Variants in SPTLC3 observed in about 807,000 individuals in gnomAD.
The protein encoded by SPTLC3 is serine palmitoyltransferase 3.
A neutral mutation model predicts 59.3 loss-of-function variants in SPTLC3; 36 were observed. That is an observed-to-expected ratio of 0.61 (90% CI 0.47 to 0.80). The LOEUF is 0.80. SPTLC3 is among the 30% of genes least tolerant of loss of function. The pLI, the probability that SPTLC3 is intolerant of heterozygous loss-of-function variation, is 0.00. For synonymous variants in SPTLC3, 257 were observed against 240.8 expected (o/e 1.07, Z -0.62); for missense variants, 625 against 685.1 (o/e 0.91, Z 0.98).
chr20:13,075,838 A>G (rs1171916398), intron 4 of SPTLC3, among the ~76,000 whole-genome samples: 1 of 152,168 alleles, frequency 6.6e-6, no homozygotes, highest in Non-Finnish European at 1.5e-5. Context: ...CAACCCCCCA[A>G]CTCAGTGAGA....
chr20:13,025,731 T>C (rs1266996769), intron 1 of SPTLC3, among the ~76,000 whole-genome samples: 1 of 152,206 alleles, frequency 6.6e-6, no homozygotes, highest in Non-Finnish European at 1.5e-5. Context: ...AAACCTTTTT[T>C]TAAAACTTCT....
At chr20:13,011,208 G>T (rs1015638091) in intron 1 of SPTLC3, among the ~76,000 whole-genome samples, 1 of 152,150 alleles carries the variant, frequency 6.6e-6, no homozygotes, top group Non-Finnish European at 1.5e-5. Flanking sequence ...CCTCCATGAT[G>T]GGAACGAAGT....
At chr20:13,034,626 A>G (rs1259543514) in intron 1 of SPTLC3, among the ~76,000 whole-genome samples, 1 of 152,144 alleles carries the variant, frequency 6.6e-6, no homozygotes, top group East Asian at 1.9e-4. Context: ...ATCTGGGGAA[A>G]GATGCCAACA....
intron 2 of SPTLC3, among the ~76,000 whole-genome samples, chr20:13,066,584 G>T (rs1268433011): frequency 6.6e-6 from 1 of 152,062 alleles, no homozygotes; most frequent in Non-Finnish European, 1.5e-5. Flanking sequence ...GTTTTTATTT[G>T]GTTGCTGACT....
intron 1 of SPTLC3, among the ~76,000 whole-genome samples, chr20:13,019,180 G>A (rs925128044): frequency 6.6e-5 from 10 of 152,140 alleles, no homozygotes; most frequent in Non-Finnish European, 1.3e-4. Context: ...AAGGCCTGGT[G>A]TTTCCAAGAG....
At chr20:13,039,676 T>C (rs1396455515) in intron 1 of SPTLC3, among the ~76,000 whole-genome samples, 6 of 152,134 alleles carry the variant, frequency 3.9e-5, no homozygotes, top group African/African-American at 1.2e-4. Flanking sequence ...TCTCATGTCC[T>C]TTTTGTTTAT....
At chr20:13,154,162 A>C (rs1241355691) in intron 10 of SPTLC3, 24 bp downstream of exon 10, 1 of 1,613,434 alleles carries the variant, frequency 6.2e-7, no homozygotes, top group Non-Finnish European at 8.5e-7. Flanking sequence ...GCATCTCATA[A>C]TCACACCTAA....
intron 9 of SPTLC3, among the ~76,000 whole-genome samples, chr20:13,136,788 A>G (rs1406006461): frequency 6.7e-6 from 1 of 150,004 alleles, no homozygotes; most frequent in Non-Finnish European, 1.5e-5. Context: ...TAACAATGCA[A>G]TATTTTCTCT....
chr20:13,165,101 C>G lies in SPTLC3; in HGVS notation c.*234C>G. On this transcript the variant is annotated 3_prime_UTR_variant, in exon 12 of 12. Coordinates refer to ENST00000399002, the MANE Select transcript of SPTLC3 (RefSeq NM_018327.4). ...TCTTCCAAGTATTCTACTAGAAATA[C>G]ACACACACACACACACACACTTCTG... 1 of 302,770 alleles carries G rather than the reference C, an allele frequency of 3.3e-6. No individual in the cohort carries two copies. The allele number at this position is 302,770 out of a possible 1,614,324, so 18.8% of individuals were successfully genotyped here.
At chr20:13,045,682 T>C (rs1048096252) in intron 1 of SPTLC3, among the ~76,000 whole-genome samples, 5 of 152,156 alleles carry the variant, frequency 3.3e-5, no homozygotes, top group African/African-American at 1.2e-4. Context: ...TAGATCCTGG[T>C]TTGGGCTGAT....
At chr20:13,110,310 A>G (rs1354233351) in intron 7 of SPTLC3, 93 bp downstream of exon 7, 1 of 1,045,972 alleles carries the variant, frequency 9.6e-7, no homozygotes, top group Non-Finnish European at 1.4e-6. Flanking sequence ...AAACAGAGAA[A>G]TGACTTAGAA....
chr20:13,097,908 A>C (rs1465717931), intron 6 of SPTLC3, among the ~76,000 whole-genome samples: 3 of 152,190 alleles, frequency 2.0e-5, no homozygotes, highest in Non-Finnish European at 4.4e-5. Context: ...TGCATAAAGG[A>C]AATTACTAGG....
intron 7 of SPTLC3, among the ~76,000 whole-genome samples, chr20:13,113,739 G>A (rs1006942283): frequency 3.9e-5 from 6 of 152,182 alleles, no homozygotes; most frequent in African/African-American, 1.4e-4. Context: ...CCAGCCCATA[G>A]AAAGCTCACA....
chr20:13,098,445 C>G (rs1039999444), intron 6 of SPTLC3, among the ~76,000 whole-genome samples: 2 of 152,150 alleles, frequency 1.3e-5, no homozygotes, highest in Non-Finnish European at 2.9e-5. Flanking sequence ...CTTTGCAGTA[C>G]TCTTATTCTT....
At position 13,166,261 on chromosome 20, in the gene SPTLC3, C is replaced by T. The variant is rs1024445558; in HGVS notation, c.*1394C>T. ...TGGACCCAAGCTTTCATGCTGTGCA[C>T]TGAGATAGAAACTCCACCCGCAGCG... is the stretch of plus-strand genomic sequence containing the variant. On this transcript the variant is annotated 3_prime_UTR_variant, in exon 12 of 12. Coordinates refer to ENST00000399002, the MANE Select transcript of SPTLC3 (RefSeq NM_018327.4). The T allele has an allele frequency of 1.3e-5, 2 of 152,580 alleles. No individual in the cohort carries two copies. Among genetic ancestry groups the T allele is most frequent in the African/African-American group, 4.8e-5 (2 of 41,442 alleles). The allele number at this position is 152,580 out of a possible 1,614,324, so 9.5% of individuals were successfully genotyped here.
At chr20:13,083,827 C>T (rs1167612360) in intron 4 of SPTLC3, among the ~76,000 whole-genome samples, 1 of 152,152 alleles carries the variant, frequency 6.6e-6, no homozygotes, top group Non-Finnish European at 1.5e-5. Context: ...GTCTCCTGGT[C>T]CTTGGTCCCA....
chr20:13,091,054 G>T (rs1053777817), intron 4 of SPTLC3, 29 bp from the exon 5 acceptor site: 7 of 1,611,234 alleles, frequency 4.3e-6, no homozygotes, highest in Admixed American at 1.7e-5. Flanking sequence ...AAAAGAGAAG[G>T]CTCACTTCTC....
intron 10 of SPTLC3, among the ~76,000 whole-genome samples, chr20:13,159,206 C>T (rs1182792481): frequency 2.0e-5 from 3 of 152,298 alleles, no homozygotes; most frequent in Non-Finnish European, 4.4e-5. Context: ...GGAATCATAG[C>T]TTATGAAGGT....
intron 2 of SPTLC3, among the ~76,000 whole-genome samples, chr20:13,070,151 T>C (rs1311588369): frequency 6.6e-6 from 1 of 152,174 alleles, no homozygotes; most frequent in Non-Finnish European, 1.5e-5. Context: ...ATAAAGAGTA[T>C]AATTGATTAT....
Sources: allele counts gnomAD v4.1 joint callset (sites outside exome capture counted in the v4.1 genomes callset), GRCh38; gene constraint gnomAD v4.1.1; transcripts MANE v1.5; gene names NCBI Gene and HGNC (gene_info 2026-07-23, HGNC 2026-07-21).